Variants in IL17RC observed in about 807,000 individuals in gnomAD.
IL17RC encodes interleukin-17 receptor C.
IL17RC carries 53 observed loss-of-function variants against 86.7 expected under a neutral mutation model. The observed-to-expected ratio is 0.61, with a 90% CI of 0.49 to 0.77. The LOEUF (loss-of-function observed/expected upper bound fraction) is 0.77, where lower values mean the gene tolerates loss of function less well. Among genes scored for constraint, IL17RC ranks in the 30% least tolerant of loss-of-function variants. The pLI, the probability that IL17RC is intolerant of heterozygous loss-of-function variation, is 0.00. For missense variants in IL17RC, 957 were observed against 940.0 expected (o/e 1.02, Z -0.24); for synonymous variants, 439 against 413.1 (o/e 1.06, Z -0.76).
chr3:9,920,828 G>A (rs2083476846), intron 6 of IL17RC, 97 bp from the exon 7 acceptor site: 2 of 936,612 alleles, frequency 2.1e-6, no homozygotes, highest in Non-Finnish European at 1.6e-6. Context: ...GTAGGGGATG[G>A]GGAGCCATTC....
rs2125319484 is a variant in IL17RC, at chr3:9,933,293, G to A, written c.1863G>A (p.Leu621=). 6.2e-7 allele frequency: 1 copy of A among 1,603,880 alleles called. No homozygotes were observed. The highest frequency in any genetic ancestry group is 8.5e-7 in the Non-Finnish European group (1 of 1,175,378). ...ASLSCVLPDF[L]QGRAPGSYVG... The stretch of plus-strand genomic sequence containing the variant: ...TCAGCTGCGTGCTGCCCGACTTCTT[G>A]CAGGGCCGGGCGCCCGGCAGCTACG... Residue 621 remains leucine, a synonymous_variant, in exon 19 of 19, where the codon TTG becomes TTA. Transcript: ENST00000403601.
At chr3:9,932,502 A>ATAAAGGCATGAGCCACC in intron 16 of IL17RC, 106 bp from the exon 17 acceptor site, 1 of 1,022,914 alleles carries the variant, frequency 9.8e-7, no homozygotes, top group East Asian at 2.4e-5. Flanking sequence ...CTGGGATTAT[A>ATAAAGGCATGAGCCACC]TAAAGGCATG....
rs369221701 is a variant in IL17RC at position 9,917,590 on chromosome 3, G to C, written c.106-123G>C. On this transcript the variant is annotated intron_variant, in intron 1 of 18. Transcript: ENST00000403601. ...CGGGGAAGGGGCAAGAGCTGGGTCT[G>C]TCTTTCTCTGGGAGGGTCTGGGAAT... The C allele has an allele frequency of 1.9e-6, 3 of 1,614,072 alleles. No homozygotes were observed. In the African/African-American group the frequency reaches 4.0e-5, roughly 22 times the overall value.
intron 9 of IL17RC, among the ~76,000 whole-genome samples, chr3:9,925,551 C>T (rs182765973): frequency 6.6e-6 from 1 of 152,238 alleles, no homozygotes; most frequent in East Asian, 1.9e-4. Context: ...ACTGTTTCAA[C>T]ACCTCCAAGC....
intron 16 of IL17RC, 92 bp downstream of exon 16, chr3:9,931,035 G>A: frequency 1.0e-6 from 1 of 977,124 alleles, no homozygotes; most frequent in Non-Finnish European, 1.7e-6. Context: ...CAATGGCCTT[G>A]TCCTTCCCTG....
At chr3:9,918,696 A>G in intron 5 of IL17RC, 87 bp downstream of exon 5, 2 of 914,794 alleles carry the variant, frequency 2.2e-6, no homozygotes, top group Non-Finnish European at 3.5e-6. Context: ...TTACAAAAGA[A>G]TTAAATTTAT....
Position 9,917,409 on chromosome 3 carries a change from C to G in IL17RC, c.94C>G (p.His32Asp), listed in dbSNP as rs371639084. The G allele has an allele frequency of 4.3e-6, 7 of 1,614,078 alleles. No individual in the cohort carries two copies. The highest frequency in any genetic ancestry group is 5.9e-6 in the Non-Finnish European group (7 of 1,180,026). ...ERLVGPQDAT[H>D]CSPGLSCRLW... ...GCTTGTGGGGCCTCAGGACGCTACCCACTGCTCTCCGGTGAGTCTGGAACC... is the reference window on the plus strand; with the variant it reads ...GCTTGTGGGGCCTCAGGACGCTACCGACTGCTCTCCGGTGAGTCTGGAACC... Residue 32 changes from histidine (H) to aspartate (D), a missense_variant, in exon 1 of 19, where the codon CAC becomes GAC. Physicochemically the swap from His to Asp is moderately conservative, Grantham distance 81 (BLOSUM62 -1). Coordinates refer to ENST00000403601, the MANE Select transcript of IL17RC (RefSeq NM_153460.4).
intron 16 of IL17RC, 89 bp from the exon 17 acceptor site, chr3:9,932,519 C>A: frequency 1.6e-6 from 2 of 1,242,030 alleles, no homozygotes; most frequent in Admixed American, 1.7e-5. Flanking sequence ...CATGAGCCAC[C>A]GCACCCGGCC....
Position 9,930,294 on chromosome 3 carries a change from A to G in IL17RC, c.1279-106A>G. 1 of 1,525,482 alleles carries G rather than the reference A, an allele frequency of 6.6e-7. No individual in the cohort carries two copies. The highest frequency in any genetic ancestry group is 9.0e-7 in the Non-Finnish European group (1 of 1,106,834). 94.5% of individuals were successfully genotyped at this position (1,525,482 alleles called of 1,614,324 possible). The stretch of plus-strand genomic sequence containing the variant: ...GGGCCATATTCAGCGGCATCACCAA[A>G]GTCTCCCAGTCCCCTCTACCTCATT... On this transcript the variant is annotated intron_variant, in intron 14 of 18. Coordinates refer to ENST00000403601, the MANE Select transcript of IL17RC (RefSeq NM_153460.4). The surrounding 1 kb of genome is among the most constrained non-coding windows in gnomAD (Gnocchi z 5.8).
intron 8 of IL17RC, 49 bp from the exon 9 acceptor site, chr3:9,924,183 C>G (rs2083849846): frequency 3.1e-6 from 5 of 1,612,350 alleles, no homozygotes; most frequent in Middle Eastern, 1.7e-4. Flanking sequence ...TTGGCCTCCT[C>G]CTCTTCCTCC....
At chr3:9,932,771 AAAGCG>A in intron 17 of IL17RC, 44 bp from the exon 18 acceptor site, 1 of 1,591,416 alleles carries the variant, frequency 6.3e-7, no homozygotes. Flanking sequence ...TCTCCGAGGG[AAAGCG>A]GCGGCCGAGC....
intron 7 of IL17RC, 111 bp from the exon 8 acceptor site, chr3:9,923,770 C>A: frequency 8.3e-7 from 1 of 1,198,504 alleles, no homozygotes; most frequent in Non-Finnish European, 1.2e-6. Flanking sequence ...CACGCTCTGC[C>A]CTCCGAGAGC....
chr3:9,918,391 G>A lies in IL17RC; in HGVS notation c.337G>A (p.Val113Met), dbSNP rs1575521150. ...GTTTGGAGGAGCAGCTGACTCAGGG[G>A]TGGAGGAGCCTAGGAATGGTGAGGA... ...EKFGGAADSG[V>M]EEPRNASLQA... is the part of the protein sequence containing the mutation. The change falls in exon 4 of 19, where the codon GTG (valine) becomes ATG (methionine). Residue 113 changes from valine (V) to methionine (M), a missense_variant. Transcript: ENST00000403601. 6.2e-7 allele frequency: 1 copy of A among 1,611,108 alleles called. No individual in the cohort carries two copies. Among genetic ancestry groups the A allele is most frequent in the East Asian group, 2.2e-5 (1 of 44,790 alleles).
intron 5 of IL17RC, chr3:9,918,914 A>C (rs1408974385): frequency 3.1e-6 from 1 of 319,458 alleles, no homozygotes; most frequent in Non-Finnish European, 5.8e-6. Context: ...GCGAGAAATC[A>C]CCAAGCGTTT....
chr3:9,917,889 C>G, intron 2 of IL17RC, 34 bp from the exon 3 acceptor site: 1 of 1,612,558 alleles, frequency 6.2e-7, no homozygotes, highest in Non-Finnish European at 8.5e-7. Flanking sequence ...GGGCTTGGAA[C>G]AGCTTCAGCT....
intron 7 of IL17RC, among the ~76,000 whole-genome samples, chr3:9,922,265 T>TATGTATAAAAAC (rs1177622744): frequency 6.6e-6 from 1 of 152,230 alleles, no homozygotes; most frequent in Non-Finnish European, 1.5e-5. Context: ...TGTTTTTATA[T>TATGTATAAAAAC]ATGTATACAC....
chr3:9,925,763 G>T (rs2084003620), intron 9 of IL17RC, among the ~76,000 whole-genome samples: 3 of 151,708 alleles, frequency 2.0e-5, no homozygotes. Flanking sequence ...CCTTCCCAAA[G>T]CTTTTCCCCA....
chr3:9,929,589 T>C, intron 12 of IL17RC: 1 of 525,624 alleles, frequency 1.9e-6, no homozygotes, highest in Non-Finnish European at 3.4e-6. Flanking sequence ...TTGAGAAGGT[T>C]AGATGAGAGG....
chr3:9,917,264 G>GT lies in IL17RC; in HGVS notation c.-52_-51insT. The GT allele has an allele frequency of 7.7e-7, 1 of 1,299,234 alleles. No individual in the cohort carries two copies. Among genetic ancestry groups the GT allele is most frequent in the South Asian group, 1.4e-5 (1 of 73,994 alleles). The allele number at this position is 1,299,234 out of a possible 1,614,324, so 80.5% of individuals were successfully genotyped here. A position where few individuals can be genotyped will look rare whatever the true frequency, so the allele number is the denominator to read the frequency against. ...GCTGACTGGGGTGTCTGCCCCCCTTGGGGGGGGGCAGCACAGGGCCTCAGG... is the reference window on the plus strand; with the variant it reads ...GCTGACTGGGGTGTCTGCCCCCCTTGTGGGGGGGGCAGCACAGGGCCTCAGG... On this transcript the variant is annotated 5_prime_UTR_variant, in exon 1 of 19. Coordinates refer to ENST00000403601, the MANE Select transcript of IL17RC (RefSeq NM_153460.4).
Sources: gnomAD v4.1 joint callset for allele counts (sites outside exome capture counted in the v4.1 genomes callset) on GRCh38, gnomAD v4.1.1 for gene constraint, Gnocchi (gnomAD v3.1) non-coding constraint, MANE v1.5 for transcripts, NCBI Gene and HGNC (gene_info 2026-07-23, HGNC 2026-07-21) for gene names.